SHMT1: variants seen among roughly 807,000 people sequenced by gnomAD.
SHMT1 encodes serine hydroxymethyltransferase 1.
In SHMT1, 45 loss-of-function variants were observed where a neutral mutation model predicts 49.0. The observed-to-expected ratio is 0.92, with a 90% CI of 0.72 to 1.18. SHMT1 has a LOEUF of 1.18. SHMT1 is among the 50% of genes most tolerant of loss of function. SHMT1 has a pLI of 0.00. For synonymous variants in SHMT1, 232 were observed against 246.6 expected (o/e 0.94, Z 0.55); for missense variants, 541 against 612.4 (o/e 0.88, Z 1.23).
rs191446921 is a variant in SHMT1, at chr17:18,358,713, G to A, written c.-19-2713C>T. Among the ~76,000 whole-genome samples, 182 of 151,600 alleles carry A rather than the reference G, an allele frequency of 1.2e-3. 1 individual carries two copies. The highest frequency in any genetic ancestry group is 5.9e-5 in the Non-Finnish European group (4 of 67,872). The stretch of plus-strand genomic sequence containing the variant: ...GCCCAGGAGTTCAAGACTGGCCTGG[G>A]CAACATGGCAAAGCCCCATTTCTAC... On this transcript the variant is annotated intron_variant, in intron 1 of 11. Coordinates refer to ENST00000316694, the MANE Select transcript of SHMT1 (RefSeq NM_004169.5).
chr17:18,353,924 G>A lies in SHMT1; in HGVS notation c.97-107C>T, dbSNP rs1010296536. 1.1e-5 allele frequency: 11 copies of A among 976,096 alleles called. No homozygotes were observed. The Middle Eastern group carries it at 9.6e-4, about 86-fold the overall frequency. The allele number at this position is 976,096 out of a possible 1,614,324, so 60.5% of individuals were successfully genotyped here. ...GAGAAAAGACACTCTTTCACATTAT[G>A]GAATAGAATGAATCCTCCTCAAAGG... On this transcript the variant is annotated intron_variant, in intron 2 of 11. Transcript: ENST00000316694.
chr17:18,353,908 C>T (rs750602257), intron 2 of SHMT1, 91 bp from the exon 3 acceptor site: 3 of 1,078,828 alleles, frequency 2.8e-6, no homozygotes, highest in Non-Finnish European at 4.3e-6. Flanking sequence ...AGAGAAAAGA[C>T]ACTCTTTCAC....
intron 3 of SHMT1, among the ~76,000 whole-genome samples, chr17:18,349,347 G>A (rs986605134): frequency 2.0e-5 from 3 of 152,084 alleles, no homozygotes; most frequent in African/African-American, 7.2e-5. Flanking sequence ...TTGAACCCAG[G>A]AGGTGGAGGT....
chr17:18,335,164 G>A (rs990378142), intron 8 of SHMT1, among the ~76,000 whole-genome samples: 1 of 152,246 alleles, frequency 6.6e-6, no homozygotes, highest in African/African-American at 2.4e-5. Flanking sequence ...TGCAGGGTGT[G>A]AGGATCAGAC....
intron 10 of SHMT1, 52 bp from the exon 11 acceptor site, chr17:18,329,440 G>A: frequency 6.5e-6 from 9 of 1,387,418 alleles, no homozygotes; most frequent in Non-Finnish European, 9.1e-6. Flanking sequence ...CCACTGTGAT[G>A]GTGGTGCATT....
intron 1 of SHMT1, among the ~76,000 whole-genome samples, chr17:18,358,869 T>C (rs1425294416): frequency 1.3e-5 from 2 of 152,122 alleles, no homozygotes; most frequent in African/African-American, 4.8e-5. Flanking sequence ...TGGCAGTGCA[T>C]TCCAGCCTGG....
intron 1 of SHMT1, among the ~76,000 whole-genome samples, chr17:18,357,996 C>G (rs1245431932): frequency 6.6e-6 from 1 of 150,392 alleles, no homozygotes; most frequent in Non-Finnish European, 1.5e-5. Context: ...CCCAAGTAGC[C>G]AGGAACACAG....
rs1983709656 is a variant in SHMT1 at position 18,335,648 on chromosome 17, C to T, written c.842G>A (p.Gly281Asp). 6.2e-7 allele frequency: 1 copy of T among 1,613,806 alleles called. No individual in the cohort carries two copies. The highest frequency in any genetic ancestry group is 1.7e-5 in the Admixed American group (1 of 60,002). The change falls in exon 8 of 12, where the codon GGC (glycine) becomes GAC (aspartate). Residue 281 changes from glycine (G) to aspartate (D), a missense_variant. Physicochemically the swap from Gly to Asp is moderately conservative, Grantham distance 94. Coordinates refer to ENST00000316694, the MANE Select transcript of SHMT1 (RefSeq NM_004169.5). ...CTCCAGGTTGTACAGAATCTCTTTG[C>T]CAGTCTTGGGATCCACACTTTTCAC... is the stretch of plus-strand genomic sequence containing the variant. ...KGVKSVDPKT[G>D]KEILYNLESL...
At chr17:18,329,410 G>A (rs1982934322) in intron 10 of SHMT1, 22 bp from the exon 11 acceptor site, 1 of 1,573,256 alleles carries the variant, frequency 6.4e-7, no homozygotes, top group Non-Finnish European at 8.7e-7. Context: ...ACGGGGCTCT[G>A]TCCCTAAGTC....
intron 3 of SHMT1, 43 bp downstream of exon 3, chr17:18,353,629 C>T (rs1180331162): frequency 6.2e-7 from 1 of 1,605,056 alleles, no homozygotes; most frequent in Admixed American, 1.7e-5. Context: ...TGAGTACTCC[C>T]TATGACTGTG....
chr17:18,333,591 G>A (rs566055229), intron 8 of SHMT1, among the ~76,000 whole-genome samples: 5 of 151,314 alleles, frequency 3.3e-5, no homozygotes, highest in East Asian at 2.0e-4. Flanking sequence ...TCGGCATCCC[G>A]AACAGCTGGG....
chr17:18,359,131 G>C (rs925959827), intron 1 of SHMT1, among the ~76,000 whole-genome samples: 1 of 151,522 alleles, frequency 6.6e-6, no homozygotes, highest in Admixed American at 6.6e-5. Context: ...CCAGCTACTT[G>C]GGAGGCTGAG....
At chr17:18,346,520 G>C (rs1223950882) in intron 5 of SHMT1, among the ~76,000 whole-genome samples, 1 of 152,166 alleles carries the variant, frequency 6.6e-6, no homozygotes, top group East Asian at 1.9e-4. Flanking sequence ...CACTGGTTCT[G>C]ATGGTGTTGG....
At chr17:18,355,508 C>A (rs1455529901) in intron 2 of SHMT1, among the ~76,000 whole-genome samples, 1 of 151,930 alleles carries the variant, frequency 6.6e-6, no homozygotes, top group African/African-American at 2.4e-5. Flanking sequence ...CCATTGCACT[C>A]CAGCCTGGGC....
intron 2 of SHMT1, among the ~76,000 whole-genome samples, chr17:18,354,888 ATAATAC>A (rs1372315149): frequency 1.4e-4 from 19 of 134,660 alleles, no homozygotes; most frequent in East Asian, 4.5e-4. Context: ...AAAAAAAAAA[ATAATAC>A]AAAAAATTAG....
intron 1 of SHMT1, chr17:18,363,079 T>G (rs538862594): frequency 6.6e-6 from 1 of 152,346 alleles, no homozygotes; most frequent in East Asian, 1.9e-4. Flanking sequence ...ACGAGAAAAG[T>G]GTTCAGTGGA....
intron 1 of SHMT1, among the ~76,000 whole-genome samples, chr17:18,357,214 G>C (rs1235842395): frequency 6.9e-6 from 1 of 145,152 alleles, no homozygotes; most frequent in African/African-American, 2.6e-5. Flanking sequence ...CTGGGAGGCA[G>C]AGCTTGCAGT....
At position 18,335,429 on chromosome 17, in the gene SHMT1, T is replaced by A. The variant is rs562120024; in HGVS notation, c.931+130A>T. On this transcript the variant is annotated intron_variant, in intron 8 of 11. Coordinates refer to ENST00000316694, the MANE Select transcript of SHMT1 (RefSeq NM_004169.5). ...AGTCTCAACCATGCCCTACTCTGTG[T>A]TAGCATCTCCTGCACAGAGACAGCC... The A allele has an allele frequency of 7.6e-5, 55 of 724,692 alleles. No homozygotes were observed. In the African/African-American group the frequency reaches 9.0e-4, roughly 12 times the overall value. The allele number at this position is 724,692 out of a possible 1,614,324, so 44.9% of individuals were successfully genotyped here. A position where few individuals can be genotyped will look rare whatever the true frequency, so the allele number is the denominator to read the frequency against.
chr17:18,361,791 A>G (rs952333389), intron 1 of SHMT1, among the ~76,000 whole-genome samples: 6 of 152,128 alleles, frequency 3.9e-5, no homozygotes, highest in Non-Finnish European at 7.4e-5. Flanking sequence ...GTCTCAAAAA[A>G]AAAAAAAAAG....
Sources: allele counts gnomAD v4.1 joint callset (sites outside exome capture counted in the v4.1 genomes callset), GRCh38; gene constraint gnomAD v4.1.1; transcripts MANE v1.5; gene names NCBI Gene and HGNC (gene_info 2026-07-23, HGNC 2026-07-21).